Variants in CFAP299 observed in about 807,000 individuals in gnomAD.
CFAP299 encodes cilia- and flagella-associated protein 299.
CFAP299 carries 21 observed loss-of-function variants against 27.0 expected under a neutral mutation model. The observed-to-expected ratio is 0.78, with a 90% CI of 0.55 to 1.12. The LOEUF (loss-of-function observed/expected upper bound fraction) is 1.12, where lower values mean the gene tolerates loss of function less well. CFAP299 is among the 50% of genes most tolerant of loss of function. The probability of loss-of-function intolerance (pLI) is 0.00; values close to 1 mark genes in which losing one functional copy is unlikely to be tolerated. For missense variants in CFAP299, 310 were observed against 276.6 expected (o/e 1.12, Z -0.86); for synonymous variants, 104 against 98.1 (o/e 1.06, Z -0.36).
intron 3 of CFAP299, among the ~76,000 whole-genome samples, chr4:80,590,482 C>CA (rs1390583649): frequency 4.6e-5 from 7 of 151,898 alleles, no homozygotes; most frequent in Admixed American, 4.6e-4. Flanking sequence ...ACTAAAAATA[C>CA]AAAAAAATAG....
intron 4 of CFAP299, among the ~76,000 whole-genome samples, chr4:80,926,559 A>G (rs1285802721): frequency 1.3e-5 from 2 of 152,006 alleles, no homozygotes; most frequent in African/African-American, 2.4e-5. Context: ...GAAAGACAAG[A>G]TGCATGGAGA....
intron 2 of CFAP299, among the ~76,000 whole-genome samples, chr4:80,377,151 T>C (rs1018902190): frequency 2.0e-5 from 3 of 152,112 alleles, no homozygotes; most frequent in African/African-American, 4.8e-5. Flanking sequence ...TTAAGGTTCA[T>C]GTGTGTGTGT....
At chr4:80,708,105 G>A (rs1341592251) in intron 3 of CFAP299, among the ~76,000 whole-genome samples, 1 of 151,938 alleles carries the variant, frequency 6.6e-6, no homozygotes, top group African/African-American at 2.4e-5. Flanking sequence ...GAATATCCAG[G>A]CTGCATCGGT....
rs143502926 is a variant in CFAP299, at chr4:80,481,972, T to G, written c.243-101121T>G. 4.0e-3 allele frequency among the ~76,000 whole-genome samples: 608 copies of G among 152,052 alleles called. 4 individuals carry two copies. The highest frequency in any genetic ancestry group is 3.5e-3 in the Non-Finnish European group (238 of 67,934). ...AGTGAAGAGAGAATATTTTTGTATTTTTGTATATATAGAAAATATGGAAAT... is the reference window on the plus strand; with the variant it reads ...AGTGAAGAGAGAATATTTTTGTATTGTTGTATATATAGAAAATATGGAAAT... On this transcript the variant is annotated intron_variant, in intron 2 of 5. Transcript: ENST00000358105.
At chr4:80,387,284 T>G in intron 2 of CFAP299, 2 of 1,611,686 alleles carry the variant, frequency 1.2e-6, no homozygotes, top group Middle Eastern at 1.7e-4. Context: ...GCTCTTGATG[T>G]GCTCCAGAAA....
At chr4:80,866,059 T>TTTTATA (rs886156357) in intron 3 of CFAP299, among the ~76,000 whole-genome samples, 12 of 58,382 alleles carry the variant, frequency 2.1e-4, no homozygotes, top group African/African-American at 4.2e-4. Flanking sequence ...ACTTAAAGTA[T>TTTTATA]TATATATATA....
intron 2 of CFAP299, among the ~76,000 whole-genome samples, chr4:80,461,740 A>G (rs1729447817): frequency 1.3e-5 from 2 of 152,174 alleles, no homozygotes; most frequent in South Asian, 4.1e-4. Context: ...TTTACCAGTT[A>G]TATTCAGGGA....
In CFAP299 at chr4:80,684,809, G is replaced by A. The variant is rs543517551; in HGVS notation, c.333+101626G>A. Among the ~76,000 whole-genome samples the A allele has an allele frequency of 4.6e-5, 7 of 151,482 alleles. No homozygotes were observed. The South Asian group carries it at 1.5e-3, about 32-fold the overall frequency. On this transcript the variant is annotated intron_variant, in intron 3 of 5. Transcript: ENST00000358105. ...GCTTTTTTTTTCAGAGTAAATTAAT[G>A]TACATCTTTCTGTATATTCTCAAGC...
At chr4:80,338,189 T>C (rs1417971399) in intron 1 of CFAP299, among the ~76,000 whole-genome samples, 1 of 152,228 alleles carries the variant, frequency 6.6e-6, no homozygotes, top group Non-Finnish European at 1.5e-5. Flanking sequence ...AACAAAATTG[T>C]CGATATTTAT....
chr4:80,555,591 C>T (rs1734742060), intron 2 of CFAP299, among the ~76,000 whole-genome samples: 1 of 152,076 alleles, frequency 6.6e-6, no homozygotes, highest in Non-Finnish European at 1.5e-5. Context: ...CTTATTTATA[C>T]ACCTGGTAGA....
intron 3 of CFAP299, among the ~76,000 whole-genome samples, chr4:80,644,441 G>A (rs1023408184): frequency 6.6e-5 from 10 of 152,218 alleles, no homozygotes; most frequent in Non-Finnish European, 1.0e-4. Flanking sequence ...CACTCAATAT[G>A]TATTTGGGTA....
At chr4:80,869,495 A>T (rs553139347) in intron 3 of CFAP299, among the ~76,000 whole-genome samples, 1 of 152,074 alleles carries the variant, frequency 6.6e-6, no homozygotes, top group Non-Finnish European at 1.5e-5. Context: ...TTCAACTGGA[A>T]TATTGCAATA....
In CFAP299 at chr4:80,838,154, G is replaced by A. The variant is rs184347582; in HGVS notation, c.334-31839G>A. On this transcript the variant is annotated intron_variant, in intron 3 of 5. Coordinates refer to ENST00000358105, the MANE Select transcript of CFAP299 (RefSeq NM_152770.3). ...TTTGTTTAAGTTCCTTGTAGATTCT[G>A]GATATTAGCCCTTTGTCAGATGGAG... Among the ~76,000 whole-genome samples the A allele has an allele frequency of 1.2e-3, 178 of 152,228 alleles. 1 individual carries two copies. The highest frequency in any genetic ancestry group is 4.2e-3 in the African/African-American group (173 of 41,540).
intron 1 of CFAP299, among the ~76,000 whole-genome samples, chr4:80,347,453 T>A (rs1339272566): frequency 6.6e-6 from 1 of 152,112 alleles, no homozygotes; most frequent in East Asian, 1.9e-4. Flanking sequence ...ACAAAAGCAA[T>A]GTGCAAAATT....
intron 2 of CFAP299, among the ~76,000 whole-genome samples, chr4:80,489,543 A>G (rs1158014259): frequency 2.0e-5 from 3 of 152,228 alleles, no homozygotes; most frequent in Non-Finnish European, 1.5e-5. Context: ...TACATCAAAG[A>G]GTGCCTAGGG....
intron 1 of CFAP299, among the ~76,000 whole-genome samples, chr4:80,343,151 T>A (rs1177209891): frequency 6.6e-6 from 1 of 152,148 alleles, no homozygotes; most frequent in African/African-American, 2.4e-5. Flanking sequence ...ATGCACCTAA[T>A]ACAGGAGCAC....
intron 3 of CFAP299, among the ~76,000 whole-genome samples, chr4:80,584,822 T>C (rs1294037095): frequency 6.6e-6 from 1 of 152,086 alleles, no homozygotes; most frequent in East Asian, 1.9e-4. Flanking sequence ...AGTGGCTCTA[T>C]ATGAGGCATC....
chr4:80,424,876 T>C (rs1347173762), intron 2 of CFAP299, among the ~76,000 whole-genome samples: 2 of 152,168 alleles, frequency 1.3e-5, no homozygotes, highest in Non-Finnish European at 2.9e-5. Flanking sequence ...ATGGATTTAA[T>C]CAAATTGTTT....
chr4:80,412,656 T>C (rs1726781230), intron 2 of CFAP299, among the ~76,000 whole-genome samples: 1 of 152,120 alleles, frequency 6.6e-6, no homozygotes, highest in African/African-American at 2.4e-5. Context: ...ATGAGGACAT[T>C]TTTCCAGCAT....
Sources: allele counts gnomAD v4.1 joint callset (sites outside exome capture counted in the v4.1 genomes callset), GRCh38; gene constraint gnomAD v4.1.1; transcripts MANE v1.5; gene names NCBI Gene and HGNC (gene_info 2026-07-23, HGNC 2026-07-21).